CEBPB: variants seen among roughly 807,000 people sequenced by gnomAD.
CEBPB encodes the protein CCAAT enhancer binding protein beta.
For synonymous variants in CEBPB, 295 were observed against 267.1 expected (o/e 1.10, Z -1.02); for missense variants, 498 against 533.1 (o/e 0.93, Z 0.65).
Position 50,190,872 on chromosome 20 carries a change from C to G in CEBPB, c.-162C>G. 1 of 847,350 alleles carries G rather than the reference C, an allele frequency of 1.2e-6. No individual in the cohort carries two copies. The allele number at this position is 847,350 out of a possible 1,614,324, so 52.5% of individuals were successfully genotyped here. ...CACGGGACTGGGAAGGGGACCCACC[C>G]GAGGGTCCAGCCACCAGCCCCCTCA... is the stretch of plus-strand genomic sequence containing the variant. On this transcript the variant is annotated 5_prime_UTR_variant, in exon 1 of 1. Transcript: ENST00000303004.
In CEBPB at chr20:50,191,191, G is replaced by T. The variant is rs1298012826; in HGVS notation, c.158G>T (p.Arg53Ile). The change falls in exon 1 of 1, where the codon AGA becomes ATA. Residue 53 changes from arginine (R) to isoleucine (I), a missense_variant. Transcript: ENST00000303004. ...KAAPAAPPAARPGPRPPAGEL... is the reference protein window; with the variant it reads ...KAAPAAPPAAIPGPRPPAGEL... ...GCCCCCGCGGCGCCCCCCGCGGCCAGACCCGGGCCGCGCCCCCCCGCCGGC... is the reference window on the plus strand; with the variant it reads ...GCCCCCGCGGCGCCCCCCGCGGCCATACCCGGGCCGCGCCCCCCCGCCGGC... 3 of 1,345,594 alleles carry T rather than the reference G, an allele frequency of 2.2e-6. No individual in the cohort carries two copies. The highest frequency in any genetic ancestry group is 2.9e-6 in the Non-Finnish European group (3 of 1,049,222). The allele number at this position is 1,345,594 out of a possible 1,614,324, so 83.4% of individuals were successfully genotyped here.
Position 50,191,330 on chromosome 20 carries a change from G to A in CEBPB, c.297G>A (p.Ala99=). Reference sequence around the variant, plus strand: ...CCACGGCCACGGACACCTTCGAGGCGGCTCCGCCCGCGCCCGCCCCCGCGC... The same window carrying A: ...CCACGGCCACGGACACCTTCGAGGCAGCTCCGCCCGCGCCCGCCCCCGCGC... ...APATATDTFE[A]APPAPAPAPA... is the part of the protein sequence containing the mutation. Residue 99 remains alanine (A), a synonymous_variant, in exon 1 of 1, where the codon GCG becomes GCA. Transcript: ENST00000303004. The A allele has an allele frequency of 1.4e-6, 2 of 1,442,032 alleles. No homozygotes were observed. The highest frequency in any genetic ancestry group is 1.8e-6 in the Non-Finnish European group (2 of 1,091,026). The allele number at this position is 1,442,032 out of a possible 1,614,324, so 89.3% of individuals were successfully genotyped here.
Position 50,191,602 on chromosome 20 carries a change from C to T in CEBPB, c.569C>T (p.Ala190Val). ...EPADCKRKEE[A>V]GAPGGGAGMA... is the part of the protein sequence containing the mutation. The stretch of plus-strand genomic sequence containing the variant: ...GCGGACTGCAAGCGGAAGGAGGAGG[C>T]CGGGGCGCCGGGCGGCGGCGCAGGC... Residue 190 changes from alanine (A) to valine (V), a missense_variant, in exon 1 of 1, where the codon GCC (alanine) becomes GTC (valine). Coordinates refer to ENST00000303004, the MANE Select transcript of CEBPB (RefSeq NM_005194.4). The T allele has an allele frequency of 7.4e-7, 1 of 1,346,126 alleles. No individual in the cohort carries two copies. 83.4% of individuals were successfully genotyped at this position (1,346,126 alleles called of 1,614,324 possible). A position where few individuals can be genotyped will look rare whatever the true frequency, so the allele number is the denominator to read the frequency against.
At position 50,191,565 on chromosome 20, in the gene CEBPB, G is replaced by T; in HGVS notation, c.532G>T (p.Gly178Cys). ...GCCCGCCGAGCTCAAGGCGGAGCCG[G>T]GCTTCGAGCCCGCGGACTGCAAGCG... Reference protein sequence around the residue: ...PPPAELKAEPGFEPADCKRKE... With the variant: ...PPPAELKAEPCFEPADCKRKE... The change falls in exon 1 of 1, where the codon GGC becomes TGC. Residue 178 changes from glycine (G) to cysteine (C), a missense_variant. Transcript: ENST00000303004. 2 of 1,340,982 alleles carry T rather than the reference G, an allele frequency of 1.5e-6. No individual in the cohort carries two copies. Among genetic ancestry groups the T allele is most frequent in the Non-Finnish European group, 1.9e-6 (2 of 1,053,350 alleles). 83.1% of individuals were successfully genotyped at this position (1,340,982 alleles called of 1,614,324 possible).
rs1382032562 is a variant in CEBPB at position 50,192,536 on chromosome 20, G to GT, written c.*471dup. 10 of 166,716 alleles carry GT rather than the reference G, an allele frequency of 6.0e-5. No homozygotes were observed. The East Asian group carries it at 1.7e-3, about 29-fold the overall frequency. 10.3% of individuals were successfully genotyped at this position (166,716 alleles called of 1,614,324 possible). The stretch of plus-strand genomic sequence containing the variant: ...TGCTGTTGATGTTTTGTTTTGTTTT[G>GT]TTTTTTGGTCTTTTTTTGTATTATA... On this transcript the variant is annotated 3_prime_UTR_variant, in exon 1 of 1. Coordinates refer to ENST00000303004, the MANE Select transcript of CEBPB (RefSeq NM_005194.4).
Position 50,192,056 on chromosome 20 carries a change from C to T in CEBPB, c.1023C>T (p.Ser341=), listed in dbSNP as rs754851484. The T allele has an allele frequency of 7.0e-6, 11 of 1,578,676 alleles. No homozygotes were observed. Among genetic ancestry groups the T allele is most frequent in the Admixed American group, 1.8e-5 (1 of 55,908 alleles). ...FKQLPEPLLA[S]SGHC The stretch of plus-strand genomic sequence containing the variant: ...AGCTGCCCGAGCCCCTGCTCGCCTC[C>T]TCCGGCCACTGCTAGCGCGGCCCCC... Residue 341 remains serine, a synonymous_variant, in exon 1 of 1, where the codon TCC becomes TCT. Coordinates refer to ENST00000303004, the MANE Select transcript of CEBPB (RefSeq NM_005194.4).
At position 50,191,801 on chromosome 20, in the gene CEBPB, C is replaced by T. The variant is rs746501523; in HGVS notation, c.768C>T (p.Pro256=). Residue 256 remains proline (P), a synonymous_variant, in exon 1 of 1, where the codon CCC becomes CCT. Coordinates refer to ENST00000303004, the MANE Select transcript of CEBPB (RefSeq NM_005194.4). ...GCTACGCGGGGGCCGCGCCGGCGCC[C>T]TCGCAGGTCAAGAGCAAGGCCAAGA... is the stretch of plus-strand genomic sequence containing the variant. ...TACYAGAAPA[P]SQVKSKAKKT... The T allele has an allele frequency of 6.4e-7, 1 of 1,563,654 alleles. No individual in the cohort carries two copies. Among genetic ancestry groups the T allele is most frequent in the Non-Finnish European group, 8.7e-7 (1 of 1,155,650 alleles).
rs1352010258 is a variant in CEBPB, at chr20:50,191,852, G to A, written c.819G>A (p.Glu273=). 6.2e-7 allele frequency: 1 copy of A among 1,608,252 alleles called. No individual in the cohort carries two copies. The highest frequency in any genetic ancestry group is 2.2e-5 in the East Asian group (1 of 44,550). The change falls in exon 1 of 1, where the codon GAG becomes GAA. Residue 273 remains glutamate (E), a synonymous_variant. Transcript: ENST00000303004. ...AKKTVDKHSD[E]YKIRRERNNI... is the part of the protein sequence containing the mutation. ...AGACCGTGGACAAGCACAGCGACGA[G>A]TACAAGATCCGGCGCGAGCGCAACA...
chr20:50,191,789 C>A lies in CEBPB; in HGVS notation c.756C>A (p.Ala252=). The part of the protein sequence containing the change: ...KAPPTACYAG[A]APAPSQVKSK... ...CCCCGACCGCCTGCTACGCGGGGGC[C>A]GCGCCGGCGCCCTCGCAGGTCAAGA... Residue 252 remains alanine (A), a synonymous_variant, in exon 1 of 1, where the codon GCC becomes GCA. Transcript: ENST00000303004. 1 of 1,550,128 alleles carries A rather than the reference C, an allele frequency of 6.5e-7. No homozygotes were observed. The highest frequency in any genetic ancestry group is 8.7e-7 in the Non-Finnish European group (1 of 1,148,550).
At position 50,192,619 on chromosome 20, in the gene CEBPB, G is replaced by A. The variant is rs1474314510; in HGVS notation, c.*548G>A. 1.2e-5 allele frequency: 2 copies of A among 166,842 alleles called. No homozygotes were observed. The highest frequency in any genetic ancestry group is 1.9e-4 in the East Asian group (1 of 5,206). 10.3% of individuals were successfully genotyped at this position (166,842 alleles called of 1,614,324 possible). A position where few individuals can be genotyped will look rare whatever the true frequency, so the allele number is the denominator to read the frequency against. ...TCTGTATATTTTGGGAATCTTTTCC[G>A]TTTCAAGCATTAAGAACACTTTTAA... On this transcript the variant is annotated 3_prime_UTR_variant, in exon 1 of 1. Coordinates refer to ENST00000303004, the MANE Select transcript of CEBPB (RefSeq NM_005194.4).
chr20:50,192,117 G>A lies in CEBPB; in HGVS notation c.*46G>A, dbSNP rs915880813. 2 of 1,369,626 alleles carry A rather than the reference G, an allele frequency of 1.5e-6. No homozygotes were observed. The highest frequency in any genetic ancestry group is 1.9e-6 in the Non-Finnish European group (2 of 1,059,446). The allele number at this position is 1,369,626 out of a possible 1,614,324, so 84.8% of individuals were successfully genotyped here. ...CCCTGCCGGCCGGGGCTGAGACTCC[G>A]GGGAGCGCCCGCGCCCGCGCCCTCG... On this transcript the variant is annotated 3_prime_UTR_variant, in exon 1 of 1. Coordinates refer to ENST00000303004, the MANE Select transcript of CEBPB (RefSeq NM_005194.4).
chr20:50,191,537 G>A lies in CEBPB; in HGVS notation c.504G>A (p.Pro168=), dbSNP rs1285239645. The A allele has an allele frequency of 1.5e-6, 2 of 1,311,050 alleles. No individual in the cohort carries two copies. Among genetic ancestry groups the A allele is most frequent in the Non-Finnish European group, 1.9e-6 (2 of 1,035,898 alleles). 81.2% of individuals were successfully genotyped at this position (1,311,050 alleles called of 1,614,324 possible). Residue 168 remains proline (P), a synonymous_variant, in exon 1 of 1, where the codon CCG becomes CCA. Transcript: ENST00000303004. ...APLHPPPPPP[P]PPAELKAEPG... is the part of the protein sequence containing the mutation. ...TGCACCCACCGCCCCCGCCGCCGCC[G>A]CCGCCCGCCGAGCTCAAGGCGGAGC... is the stretch of plus-strand genomic sequence containing the variant.
chr20:50,191,521 C>T lies in CEBPB; in HGVS notation c.488C>T (p.Pro163Leu). Residue 163 changes from proline to leucine, a missense_variant, in exon 1 of 1, where the codon CCG becomes CTG. Transcript: ENST00000303004. ...GGCTGCTTCGCGCCCCTGCACCCAC[C>T]GCCCCCGCCGCCGCCGCCGCCCGCC... ...HPGCFAPLHP[P>L]PPPPPPPAEL... 2 of 1,313,656 alleles carry T rather than the reference C, an allele frequency of 1.5e-6. No homozygotes were observed. Among genetic ancestry groups the T allele is most frequent in the South Asian group, 2.3e-5 (1 of 43,942 alleles). The allele number at this position is 1,313,656 out of a possible 1,614,324, so 81.4% of individuals were successfully genotyped here.
chr20:50,191,224 G>T lies in CEBPB; in HGVS notation c.191G>T (p.Gly64Val). Residue 64 changes from glycine (G) to valine (V), a missense_variant, in exon 1 of 1, where the codon GGC (glycine) becomes GTC (valine). Coordinates refer to ENST00000303004, the MANE Select transcript of CEBPB (RefSeq NM_005194.4). Reference sequence around the variant, plus strand: ...CCGCGCCCCCCCGCCGGCGAGCTGGGCAGCATCGGCGACCACGAGCGCGCC... The same window carrying T: ...CCGCGCCCCCCCGCCGGCGAGCTGGTCAGCATCGGCGACCACGAGCGCGCC... ...PGPRPPAGEL[G>V]SIGDHERAID... 1 of 1,293,228 alleles carries T rather than the reference G, an allele frequency of 7.7e-7. No homozygotes were observed. Among genetic ancestry groups the T allele is most frequent in the Non-Finnish European group, 9.8e-7 (1 of 1,021,460 alleles). The allele number at this position is 1,293,228 out of a possible 1,614,324, so 80.1% of individuals were successfully genotyped here. A position where few individuals can be genotyped will look rare whatever the true frequency, so the allele number is the denominator to read the frequency against.
Position 50,191,037 on chromosome 20 carries a change from C to A in CEBPB, c.4C>A (p.Gln2Lys). 1 of 1,528,788 alleles carries A rather than the reference C, an allele frequency of 6.5e-7. No homozygotes were observed. Among genetic ancestry groups the A allele is most frequent in the Non-Finnish European group, 8.7e-7 (1 of 1,145,838 alleles). The allele number at this position is 1,528,788 out of a possible 1,614,324, so 94.7% of individuals were successfully genotyped here. A position where few individuals can be genotyped will look rare whatever the true frequency, so the allele number is the denominator to read the frequency against. Residue 2 changes from glutamine (Q) to lysine (K), a missense_variant, in exon 1 of 1, where the codon CAA (glutamine) becomes AAA (lysine). Physicochemically the swap from Gln to Lys is moderately conservative, Grantham distance 53. Transcript: ENST00000303004. ...CCCTCCCCGGGCACCCGCGTTCATG[C>A]AACGCCTGGTGGCCTGGGACCCAGC... The part of the protein sequence containing the change: M[Q>K]RLVAWDPACL...
rs1224443397 is a variant in CEBPB, at chr20:50,191,142, G to C, written c.109G>C (p.Ala37Pro). 5.2e-6 allele frequency: 8 copies of C among 1,532,074 alleles called. No homozygotes were observed. The highest frequency in any genetic ancestry group is 6.1e-6 in the Non-Finnish European group (7 of 1,144,732). 94.9% of individuals were successfully genotyped at this position (1,532,074 alleles called of 1,614,324 possible). Residue 37 changes from alanine to proline, a missense_variant, in exon 1 of 1, where the codon GCT becomes CCT. Ala to Pro is a conservative substitution (Grantham distance 27, BLOSUM62 -1). Transcript: ENST00000303004. ...CTTCTACTACGAGGCGGACTGCTTG[G>C]CTGCTGCGTACGGCGGCAAGGCGGC... ...ANFYYEADCL[A>P]AAYGGKAAPA...
Position 50,191,534 on chromosome 20 carries a change from G to A in CEBPB, c.501G>A (p.Pro167=). ...FAPLHPPPPP[P]PPPAELKAEP... is the part of the protein sequence containing the mutation. ...CCCTGCACCCACCGCCCCCGCCGCC[G>A]CCGCCGCCCGCCGAGCTCAAGGCGG... Residue 167 remains proline (P), a synonymous_variant, in exon 1 of 1, where the codon CCG becomes CCA. Transcript: ENST00000303004. The A allele has an allele frequency of 3.1e-6, 4 of 1,309,910 alleles. No individual in the cohort carries two copies. Among genetic ancestry groups the A allele is most frequent in the Non-Finnish European group, 3.9e-6 (4 of 1,035,262 alleles). 81.1% of individuals were successfully genotyped at this position (1,309,910 alleles called of 1,614,324 possible). A position where few individuals can be genotyped will look rare whatever the true frequency, so the allele number is the denominator to read the frequency against.
rs1392068904 is a variant in CEBPB at position 50,192,149 on chromosome 20, C to A, written c.*78C>A. 1.7e-6 allele frequency: 2 copies of A among 1,192,620 alleles called. No individual in the cohort carries two copies. Among genetic ancestry groups the A allele is most frequent in the African/African-American group, 1.6e-5 (1 of 62,134 alleles). The allele number at this position is 1,192,620 out of a possible 1,614,324, so 73.9% of individuals were successfully genotyped here. A position where few individuals can be genotyped will look rare whatever the true frequency, so the allele number is the denominator to read the frequency against. On this transcript the variant is annotated 3_prime_UTR_variant, in exon 1 of 1. Transcript: ENST00000303004. ...GCCCGCGCCCGCGCCCTCGCCCCCG[C>A]CCCCGGCGGCGCCGGCAAAACTTTG...
At position 50,191,148 on chromosome 20, in the gene CEBPB, G is replaced by C. The variant is rs1241425543; in HGVS notation, c.115G>C (p.Ala39Pro). ...CTACGAGGCGGACTGCTTGGCTGCT[G>C]CGTACGGCGGCAAGGCGGCCCCCGC... ...FYYEADCLAA[A>P]YGGKAAPAAP... is the part of the protein sequence containing the mutation. Residue 39 changes from alanine to proline, a missense_variant, in exon 1 of 1, where the codon GCG becomes CCG. Ala to Pro is a conservative substitution (Grantham distance 27). Transcript: ENST00000303004. The C allele has an allele frequency of 2.6e-6, 4 of 1,514,980 alleles. No individual in the cohort carries two copies. Among genetic ancestry groups the C allele is most frequent in the Non-Finnish European group, 3.5e-6 (4 of 1,135,688 alleles). The allele number at this position is 1,514,980 out of a possible 1,614,324, so 93.8% of individuals were successfully genotyped here.
Sources: gnomAD v4.1 joint callset for allele counts on GRCh38, gnomAD v4.1.1 for gene constraint, MANE v1.5 for transcripts, NCBI Gene and HGNC (gene_info 2026-07-23, HGNC 2026-07-21) for gene names.